The following CNNM2 variants were observed in gnomAD, a reference collection of about 807,000 sequenced individuals.
CNNM2 encodes the protein metal transporter CNNM2.
In CNNM2, 12 loss-of-function variants were observed where a neutral mutation model predicts 66.9. The observed-to-expected ratio is 0.18, with a 90% CI of 0.11 to 0.29. The LOEUF (loss-of-function observed/expected upper bound fraction) is 0.29. CNNM2 is among the 10% of genes least tolerant of loss of function. The pLI, the probability that CNNM2 is intolerant of heterozygous loss-of-function variation, is 1.00. For missense variants in CNNM2, 705 were observed against 1,167.7 expected (o/e 0.60, Z 5.77); for synonymous variants, 557 against 501.8 (o/e 1.11, Z -1.47).
At chr10:103,040,690 C>T (rs2065025613) in intron 1 of CNNM2, among the ~76,000 whole-genome samples, 2 of 152,040 alleles carry the variant, frequency 1.3e-5, no homozygotes, top group African/African-American at 4.8e-5. Flanking sequence ...CACTGAGCTA[C>T]AGGTGTGCAG....
chr10:103,088,384 T>C lies in CNNM2; in HGVS notation c.*11204T>C, dbSNP rs2065954831. Reference sequence around the variant, plus strand: ...AACAAGAGGTGATTTCGACTTGGGATTGGGATTTTTATTTTTTGAGATGGA... The same window carrying C: ...AACAAGAGGTGATTTCGACTTGGGACTGGGATTTTTATTTTTTGAGATGGA... On this transcript the variant is annotated 3_prime_UTR_variant, in exon 8 of 8. Coordinates refer to ENST00000369878, the MANE Select transcript of CNNM2 (RefSeq NM_017649.5). The C allele has an allele frequency of 1.3e-5, 2 of 152,158 alleles. No homozygotes were observed. The highest frequency in any genetic ancestry group is 2.4e-5 in the African/African-American group (1 of 41,436). 9.4% of individuals were successfully genotyped at this position (152,158 alleles called of 1,614,324 possible). A position where few individuals can be genotyped will look rare whatever the true frequency, so the allele number is the denominator to read the frequency against.
intron 1 of CNNM2, among the ~76,000 whole-genome samples, chr10:102,958,659 C>T (rs577181903): frequency 5.8e-4 from 88 of 151,520 alleles, no homozygotes; most frequent in African/African-American, 1.9e-3. Context: ...TTAATAGAGA[C>T]GGGGTTTCAC....
At chr10:103,011,682 G>GTGTGTGTGTGTGTA (rs747928487) in intron 1 of CNNM2, among the ~76,000 whole-genome samples, 88 of 148,342 alleles carry the variant, frequency 5.9e-4, no homozygotes, top group African/African-American at 8.9e-4. Flanking sequence ...GTGTGTGTGT[G>GTGTGTGTGTGTGTA]TGTATGTATA....
chr10:103,048,750 T>C (rs1010135614), intron 1 of CNNM2, among the ~76,000 whole-genome samples: 4 of 152,158 alleles, frequency 2.6e-5, no homozygotes, highest in Admixed American at 2.0e-4. Context: ...GCTGCCATAC[T>C]TCAGAATTCA....
chr10:102,990,228 A>G (rs1372565293), intron 1 of CNNM2, among the ~76,000 whole-genome samples: 2 of 152,160 alleles, frequency 1.3e-5, no homozygotes, highest in African/African-American at 4.8e-5. Context: ...GGCTTCCCAA[A>G]GTGCTGGGAT....
intron 6 of CNNM2, among the ~76,000 whole-genome samples, chr10:103,073,623 A>T (rs2065634381): frequency 6.6e-6 from 1 of 152,096 alleles, no homozygotes; most frequent in South Asian, 2.1e-4. Context: ...GCACTTTCGG[A>T]GGCCGAGGCG....
chr10:103,078,146 A>T lies in CNNM2; in HGVS notation c.*966A>T, dbSNP rs1292226354. 5 of 152,316 alleles carry T rather than the reference A, an allele frequency of 3.3e-5. No homozygotes were observed. 9.4% of individuals were successfully genotyped at this position (152,316 alleles called of 1,614,324 possible). A position where few individuals can be genotyped will look rare whatever the true frequency, so the allele number is the denominator to read the frequency against. Reference sequence around the variant, plus strand: ...AATCTTCCACAGGGCTTTTTCAGTAAACACGTGATGTGGAGTGCAAGCTCC... The same window carrying T: ...AATCTTCCACAGGGCTTTTTCAGTATACACGTGATGTGGAGTGCAAGCTCC... On this transcript the variant is annotated 3_prime_UTR_variant, in exon 8 of 8. Coordinates refer to ENST00000369878, the MANE Select transcript of CNNM2 (RefSeq NM_017649.5).
At chr10:103,036,457 C>T (rs975988015) in intron 1 of CNNM2, among the ~76,000 whole-genome samples, 1 of 152,136 alleles carries the variant, frequency 6.6e-6, no homozygotes, top group Non-Finnish European at 1.5e-5. Flanking sequence ...CACAACAGCA[C>T]CTAGATTAGT....
At chr10:102,943,735 CAT>C (rs1258836272) in intron 1 of CNNM2, among the ~76,000 whole-genome samples, 2 of 152,088 alleles carry the variant, frequency 1.3e-5, no homozygotes, top group East Asian at 1.9e-4. Flanking sequence ...AACTGCATGT[CAT>C]ATATGTGTAT....
At chr10:103,062,791 T>A (rs1380234409) in intron 4 of CNNM2, among the ~76,000 whole-genome samples, 1 of 152,222 alleles carries the variant, frequency 6.6e-6, no homozygotes, top group Admixed American at 6.5e-5. Flanking sequence ...GTCGTGCTAT[T>A]ATTTGGCCTC....
rs184769844 is a variant in CNNM2, at chr10:103,088,007, A to G, written c.*10827A>G. On this transcript the variant is annotated 3_prime_UTR_variant, in exon 8 of 8. Transcript: ENST00000369878. ...CTGTGAAAAAATTGAGGCCTATGTAACACCATGAATATAATCATGTTAGAA... is the reference window on the plus strand; with the variant it reads ...CTGTGAAAAAATTGAGGCCTATGTAGCACCATGAATATAATCATGTTAGAA... 14 of 152,338 alleles carry G rather than the reference A, an allele frequency of 9.2e-5. No individual in the cohort carries two copies. The highest frequency in any genetic ancestry group is 3.1e-4 in the African/African-American group (13 of 41,572). 9.4% of individuals were successfully genotyped at this position (152,338 alleles called of 1,614,324 possible).
chr10:103,057,053 C>T lies in CNNM2; in HGVS notation c.2073+89C>T, dbSNP rs894103385. The stretch of plus-strand genomic sequence containing the variant: ...GTGAATGGGTGTCACCGTGTACATA[C>T]TGAACCTTTCTATAGGGGGTAGCCT... On this transcript the variant is annotated intron_variant, in intron 4 of 7. Coordinates refer to ENST00000369878, the MANE Select transcript of CNNM2 (RefSeq NM_017649.5). The T allele has an allele frequency of 2.3e-6, 3 of 1,298,532 alleles. No individual in the cohort carries two copies. The African/African-American group carries it at 4.4e-5, about 19-fold the overall frequency. The allele number at this position is 1,298,532 out of a possible 1,614,324, so 80.4% of individuals were successfully genotyped here. A position where few individuals can be genotyped will look rare whatever the true frequency, so the allele number is the denominator to read the frequency against.
At chr10:102,930,744 ACTGT>A (rs1846036153) in intron 1 of CNNM2, among the ~76,000 whole-genome samples, 1 of 152,104 alleles carries the variant, frequency 6.6e-6, no homozygotes, top group Admixed American at 6.5e-5. Context: ...CAACTAATTT[ACTGT>A]CTGTATGGAT....
intron 2 of CNNM2, among the ~76,000 whole-genome samples, chr10:103,052,518 CT>C (rs71019652): frequency 0.3 from 42,048 of 142,236 alleles, 6,097 homozygotes; most frequent in East Asian, 0.47. Flanking sequence ...AGGTTTTTTT[CT>C]TTTTTTTTTT....
At position 103,077,283 on chromosome 10, in the gene CNNM2, A is replaced by G. The variant is rs2065708183; in HGVS notation, c.*103A>G. On this transcript the variant is annotated 3_prime_UTR_variant, in exon 8 of 8. Coordinates refer to ENST00000369878, the MANE Select transcript of CNNM2 (RefSeq NM_017649.5). ...GGTGTGAGCTTGTCCGCCATGCTGT[A>G]CCCTGCAACATCCTGAGACCAAAGA... The G allele has an allele frequency of 9.8e-7, 1 of 1,016,912 alleles. No individual in the cohort carries two copies. The highest frequency in any genetic ancestry group is 1.6e-5 in the African/African-American group (1 of 63,242). 63.0% of individuals were successfully genotyped at this position (1,016,912 alleles called of 1,614,324 possible). A position where few individuals can be genotyped will look rare whatever the true frequency, so the allele number is the denominator to read the frequency against.
intron 1 of CNNM2, among the ~76,000 whole-genome samples, chr10:103,014,084 C>T (rs979393602): frequency 6.6e-6 from 1 of 152,150 alleles, no homozygotes; most frequent in African/African-American, 2.4e-5. Context: ...TATCTTTGCC[C>T]CTGCCATTTG....
At chr10:102,989,365 T>A (rs986985326) in intron 1 of CNNM2, among the ~76,000 whole-genome samples, 11 of 152,334 alleles carry the variant, frequency 7.2e-5, no homozygotes, top group Admixed American at 7.2e-4. Flanking sequence ...GTCTTTATTT[T>A]ATTTTTTTCA....
At chr10:102,947,690 G>T (rs1483363160) in intron 1 of CNNM2, among the ~76,000 whole-genome samples, 1 of 152,144 alleles carries the variant, frequency 6.6e-6, no homozygotes, top group East Asian at 1.9e-4. Flanking sequence ...GATGGAGGTT[G>T]CAGTGAGCTG....
chr10:103,048,905 G>C (rs1219367258), intron 1 of CNNM2, among the ~76,000 whole-genome samples: 3 of 152,114 alleles, frequency 2.0e-5, no homozygotes, highest in Admixed American at 6.5e-5. Context: ...GCCTAGGCTG[G>C]AGTGCAGTGG....
Sources: gnomAD v4.1 joint callset for allele counts (sites outside exome capture counted in the v4.1 genomes callset) on GRCh38, gnomAD v4.1.1 for gene constraint, MANE v1.5 for transcripts, NCBI Gene and HGNC (gene_info 2026-07-23, HGNC 2026-07-21) for gene names.